The following ZFHX3 variants were observed in gnomAD, a reference collection of about 807,000 sequenced individuals.
The protein encoded by ZFHX3 is zinc finger homeobox 3, also known as zinc finger homeobox protein 3.
ZFHX3 carries 42 observed loss-of-function variants against 279.1 expected under a neutral mutation model. That is an observed-to-expected ratio of 0.15 (90% CI 0.12 to 0.19). The LOEUF (loss-of-function observed/expected upper bound fraction) is 0.19. Ranked by LOEUF, ZFHX3 falls within the 10% of genes least tolerant of loss-of-function variation. ZFHX3 has a pLI of 1.00. For missense variants in ZFHX3, 4,981 were observed against 4,754.0 expected (o/e 1.05, Z -1.40); for synonymous variants, 2,293 against 1,957.8 (o/e 1.17, Z -4.52).
chr16:73,109,639 A>C (rs1196233779), intron 7 of ZFHX3, among the ~76,000 whole-genome samples: 1 of 152,182 alleles, frequency 6.6e-6, no homozygotes, highest in Non-Finnish European at 1.5e-5. Flanking sequence ...GCTTGAGGCC[A>C]GCAGTTCAAG....
At chr16:73,661,386 A>G (rs1403253423) in intron 2 of ZFHX3, among the ~76,000 whole-genome samples, 3 of 152,244 alleles carry the variant, frequency 2.0e-5, no homozygotes, top group Non-Finnish European at 2.9e-5. Flanking sequence ...GGAGTTCAAC[A>G]GTTGGATACA....
intron 3 of ZFHX3, among the ~76,000 whole-genome samples, chr16:73,331,589 T>G (rs1003367992): frequency 2.6e-5 from 4 of 152,164 alleles, no homozygotes; most frequent in Non-Finnish European, 5.9e-5. Context: ...GATTTACCCA[T>G]GAGATGCAGT....
At chr16:72,886,071 T>C (rs1019631356) in intron 4 of ZFHX3, among the ~76,000 whole-genome samples, 1 of 152,226 alleles carries the variant, frequency 6.6e-6, no homozygotes, top group Admixed American at 6.5e-5. Flanking sequence ...CTCTTGAAGA[T>C]ATCCTTTCAA....
At chr16:73,399,209 G>T (rs1036630791) in intron 3 of ZFHX3, among the ~76,000 whole-genome samples, 2 of 152,216 alleles carry the variant, frequency 1.3e-5, no homozygotes, top group Non-Finnish European at 2.9e-5. Flanking sequence ...CTACAAAAAT[G>T]TTAAAGGGAA....
rs148277027 is a variant in ZFHX3, at chr16:73,669,173, C to T, written c.-1547+11007G>A. ...GGCTCAAGCAATTCTCCTGTCTCAG[C>T]CTTGCATGTAGCTGGGATTACAGGC... On this transcript the variant is annotated intron_variant, in intron 2 of 17. Transcript: ENST00000641206. Among the ~76,000 whole-genome samples, 227 of 152,126 alleles carry T rather than the reference C, an allele frequency of 1.5e-3. 2 individuals are homozygous for T. Among genetic ancestry groups the T allele is most frequent in the African/African-American group, 5.2e-3 (216 of 41,512 alleles).
upstream of ZFHX3, chr16:73,060,855 CTGTT>C (rs1453979450): frequency 6.6e-6 from 1 of 152,122 alleles, no homozygotes; most frequent in Non-Finnish European, 1.5e-5. Flanking sequence ...ATCAGGAAAT[CTGTT>C]TGATTAGAAA....
At chr16:73,075,325 GAGGA>G (rs1965875398) in intron 8 of ZFHX3, among the ~76,000 whole-genome samples, 1 of 146,716 alleles carries the variant, frequency 6.8e-6, no homozygotes. Flanking sequence ...ACTTGAAAGA[GAGGA>G]AGGGAGGGAG....
intron 2 of ZFHX3, among the ~76,000 whole-genome samples, chr16:73,585,516 T>C (rs1456095579): frequency 6.6e-6 from 1 of 152,122 alleles, no homozygotes; most frequent in Non-Finnish European, 1.5e-5. Context: ...ACCTTGGTGA[T>C]GGGTTGATAG....
chr16:72,908,537 G>C (rs769128368), intron 3 of ZFHX3, among the ~76,000 whole-genome samples: 3 of 152,176 alleles, frequency 2.0e-5, no homozygotes, highest in African/African-American at 7.2e-5. Context: ...TTACTTGATC[G>C]TCCGTTCACT....
chr16:73,442,904 C>T (rs1433704068), intron 3 of ZFHX3, among the ~76,000 whole-genome samples: 4 of 152,204 alleles, frequency 2.6e-5, no homozygotes, highest in African/African-American at 9.6e-5. Context: ...TGCCACCTAA[C>T]CCGGCTAATT....
intron 2 of ZFHX3, among the ~76,000 whole-genome samples, chr16:73,591,494 T>G (rs868362028): frequency 6.7e-6 from 1 of 150,344 alleles, no homozygotes; most frequent in African/African-American, 2.4e-5. Context: ...GAGATCGATA[T>G]CATCGTGGCT....
intron 4 of ZFHX3, among the ~76,000 whole-genome samples, chr16:72,868,346 C>T (rs1206781149): frequency 6.6e-6 from 1 of 152,182 alleles, no homozygotes; most frequent in Non-Finnish European, 1.5e-5. Flanking sequence ...AGCTCACATC[C>T]TCAGATCATC....
chr16:73,380,296 C>T (rs1344550104), intron 3 of ZFHX3, among the ~76,000 whole-genome samples: 2 of 152,232 alleles, frequency 1.3e-5, no homozygotes, highest in East Asian at 3.9e-4. Flanking sequence ...TATCCATAGA[C>T]ATCTCTCAGA....
chr16:73,371,611 G>A (rs941201274), intron 3 of ZFHX3, among the ~76,000 whole-genome samples: 2 of 152,068 alleles, frequency 1.3e-5, no homozygotes, highest in Non-Finnish European at 2.9e-5. Context: ...TGCACCGGGT[G>A]TACCCCTCAG....
intron 1 of ZFHX3, among the ~76,000 whole-genome samples, chr16:73,718,519 A>T (rs1282340331): frequency 6.6e-6 from 1 of 152,250 alleles, no homozygotes; most frequent in African/African-American, 2.4e-5. Flanking sequence ...ACTAAAATCT[A>T]GCTGAGGGTA....
intron 2 of ZFHX3, among the ~76,000 whole-genome samples, chr16:73,580,154 C>G (rs899770845): frequency 1.3e-5 from 2 of 151,458 alleles, no homozygotes; most frequent in Non-Finnish European, 2.9e-5. Flanking sequence ...ATAATTTCCC[C>G]TCTATGTGTT....
In ZFHX3 at chr16:72,948,765, T is replaced by G. The variant is rs367638867; in HGVS notation, c.3216+1704A>C. Among the ~76,000 whole-genome samples, 166 of 152,334 alleles carry G rather than the reference T, an allele frequency of 1.1e-3. 8 individuals are homozygous for G. The South Asian group carries it at 0.034, about 31-fold the overall frequency. On this transcript the variant is annotated intron_variant, in intron 3 of 9. Coordinates refer to ENST00000268489, the MANE Select transcript of ZFHX3 (RefSeq NM_006885.4). ...AACCTTCAATGGCCACGCCGAGTCC[T>G]TTGTACAAATTTTACTCAGTTGGGT...
intron 5 of ZFHX3, among the ~76,000 whole-genome samples, chr16:72,812,263 T>G (rs149530877): frequency 2.6e-5 from 4 of 152,232 alleles, no homozygotes; most frequent in African/African-American, 9.6e-5. Flanking sequence ...AACTGAACAT[T>G]AGGAAAAGAA....
chr16:73,499,192 T>C (rs553033367), intron 2 of ZFHX3: 1 of 152,286 alleles, frequency 6.6e-6, no homozygotes, highest in East Asian at 1.9e-4. Context: ...CTCAGGTCCT[T>C]TGCCTCCTCT....
Sources: allele counts gnomAD v4.1 joint callset (sites outside exome capture counted in the v4.1 genomes callset), GRCh38; gene constraint gnomAD v4.1.1; transcripts MANE v1.5; gene names NCBI Gene and HGNC (gene_info 2026-07-23, HGNC 2026-07-21).